The following ZNF385D variants were observed in gnomAD, a reference collection of about 807,000 sequenced individuals.
ZNF385D encodes zinc finger protein 659.
Under a neutral mutation model 35.8 loss-of-function variants are expected in ZNF385D, and 15 were observed. The ratio of observed to expected loss-of-function variants is 0.42; its 90% CI spans 0.28 to 0.64. The LOEUF (loss-of-function observed/expected upper bound fraction) is 0.64. ZNF385D is among the 30% of genes least tolerant of loss of function. ZNF385D has a pLI of 0.23. For synonymous variants in ZNF385D, 212 were observed against 186.8 expected (o/e 1.13, Z -1.10); for missense variants, 474 against 494.6 (o/e 0.96, Z 0.39).
intron 3 of ZNF385D, among the ~76,000 whole-genome samples, chr3:21,876,181 C>CA (rs1327117516): frequency 2.0e-5 from 3 of 149,200 alleles, no homozygotes; most frequent in African/African-American, 7.3e-5. Flanking sequence ...AACAAACAAA[C>CA]AAAAAACCTG....
At chr3:21,920,598 A>T (rs1575918259) in intron 3 of ZNF385D, among the ~76,000 whole-genome samples, 1 of 147,156 alleles carries the variant, frequency 6.8e-6, no homozygotes, top group African/African-American at 2.5e-5. Context: ...AGTGATAAGA[A>T]GAGGGTTGAT....
At chr3:21,780,491 T>C (rs1026620567) in intron 3 of ZNF385D, among the ~76,000 whole-genome samples, 3 of 152,026 alleles carry the variant, frequency 2.0e-5, no homozygotes, top group East Asian at 1.9e-4. Flanking sequence ...GTACTACTTA[T>C]TGGTTTTACT....
intron 3 of ZNF385D, among the ~76,000 whole-genome samples, chr3:21,802,615 A>G (rs955190102): frequency 2.0e-5 from 3 of 152,164 alleles, no homozygotes; most frequent in African/African-American, 7.2e-5. Flanking sequence ...AGGGCACTTC[A>G]GACAGGCCAA....
intron 2 of ZNF385D, among the ~76,000 whole-genome samples, chr3:21,639,621 C>A (rs1219226463): frequency 1.3e-5 from 2 of 151,916 alleles, no homozygotes; most frequent in African/African-American, 2.4e-5. Context: ...TTTTGTCCAG[C>A]ATTTTGATAT....
At chr3:21,854,232 C>A (rs1383864914) in intron 3 of ZNF385D, among the ~76,000 whole-genome samples, 1 of 151,880 alleles carries the variant, frequency 6.6e-6, no homozygotes, top group Non-Finnish European at 1.5e-5. Flanking sequence ...AGCTTTTGAA[C>A]CGGTTATCAT....
In ZNF385D at chr3:22,086,354, G is replaced by C. The variant is rs186807267; in HGVS notation, c.325+82463C>G. 4.5e-3 allele frequency among the ~76,000 whole-genome samples: 685 copies of C among 152,296 alleles called. 10 individuals are homozygous for C. The highest frequency in any genetic ancestry group is 0.016 in the African/African-American group (657 of 41,562). ...TAAGCTGATAAGCAACTTCAGCAAAGTCTCAGGATACAAAATCAATGTGCA... is the reference window on the plus strand; with the variant it reads ...TAAGCTGATAAGCAACTTCAGCAAACTCTCAGGATACAAAATCAATGTGCA... On this transcript the variant is annotated intron_variant, in intron 3 of 5. Coordinates refer to the ZNF385D transcript ENST00000494108.
intron 1 of ZNF385D, among the ~76,000 whole-genome samples, chr3:21,711,232 A>G (rs914698974): frequency 1.3e-5 from 2 of 151,530 alleles, no homozygotes; most frequent in South Asian, 2.1e-4. Context: ...TAGTAGAGTC[A>G]GGGTTTCACC....
intron 2 of ZNF385D, chr3:21,579,067 A>T (rs2063577038): frequency 6.6e-6 from 1 of 152,176 alleles, no homozygotes; most frequent in East Asian, 1.9e-4. Context: ...GCCTCACATA[A>T]CAAAATCTCT....
At chr3:21,829,634 G>A (rs1694864033) in intron 3 of ZNF385D, among the ~76,000 whole-genome samples, 1 of 152,064 alleles carries the variant, frequency 6.6e-6, no homozygotes, top group East Asian at 2.0e-4. Flanking sequence ...GAACTGTAAG[G>A]GGTCAAGCTG....
At chr3:22,179,488 T>C (rs542285207) in intron 2 of ZNF385D, among the ~76,000 whole-genome samples, 199 of 152,384 alleles carry the variant, frequency 1.3e-3, no homozygotes, top group African/African-American at 4.5e-3. Context: ...GATTTTGGGC[T>C]GAGACGACGG....
chr3:22,321,353 T>C (rs1295887863), intron 2 of ZNF385D, among the ~76,000 whole-genome samples: 3 of 152,126 alleles, frequency 2.0e-5, no homozygotes, highest in Middle Eastern at 3.4e-3. Flanking sequence ...TATATGTGTG[T>C]ACTTTTTTTA....
chr3:21,756,105 C>A (rs1284081199), upstream of ZNF385D, among the ~76,000 whole-genome samples: 1 of 152,082 alleles, frequency 6.6e-6, no homozygotes, highest in East Asian at 1.9e-4. Flanking sequence ...CTATGACTGA[C>A]GTATGAAGAA....
At chr3:21,940,289 G>C (rs1701453559) in intron 3 of ZNF385D, among the ~76,000 whole-genome samples, 1 of 152,108 alleles carries the variant, frequency 6.6e-6, no homozygotes, top group African/African-American at 2.4e-5. Context: ...GGCAAGCAGA[G>C]GTGGATTTGA....
At chr3:21,879,852 C>T (rs558459194) in intron 3 of ZNF385D, among the ~76,000 whole-genome samples, 3 of 151,904 alleles carry the variant, frequency 2.0e-5, no homozygotes, top group South Asian at 2.1e-4. Context: ...AGGAGAAAAG[C>T]GTGGACAGTC....
At chr3:21,459,239 T>C (rs572259073) in intron 4 of ZNF385D, 2 of 152,336 alleles carry the variant, frequency 1.3e-5, no homozygotes, top group African/African-American at 4.8e-5. Context: ...GGTAGAAGTT[T>C]GGTGATTCCT....
chr3:21,437,969 G>A (rs992848470), intron 4 of ZNF385D, among the ~76,000 whole-genome samples: 3 of 152,112 alleles, frequency 2.0e-5, no homozygotes, highest in African/African-American at 7.2e-5. Flanking sequence ...ACACCATGCT[G>A]TTGTCACATT....
At chr3:22,276,528 G>A (rs1701437514) in intron 2 of ZNF385D, among the ~76,000 whole-genome samples, 1 of 152,112 alleles carries the variant, frequency 6.6e-6, no homozygotes, top group South Asian at 2.1e-4. Flanking sequence ...GCTAAGACAA[G>A]TTTTATACTT....
At chr3:22,140,493 G>C (rs147371786) in intron 3 of ZNF385D, among the ~76,000 whole-genome samples, 4 of 152,222 alleles carry the variant, frequency 2.6e-5, no homozygotes, top group African/African-American at 9.6e-5. Flanking sequence ...TTATGAAAAT[G>C]TATCTATGTG....
chr3:21,464,210 T>G (rs1703360625), intron 4 of ZNF385D, among the ~76,000 whole-genome samples: 1 of 152,168 alleles, frequency 6.6e-6, no homozygotes, highest in African/African-American at 2.4e-5. Flanking sequence ...TCATCATAAT[T>G]TTATAATCGC....
Sources: allele counts gnomAD v4.1 joint callset (sites outside exome capture counted in the v4.1 genomes callset), GRCh38; gene constraint gnomAD v4.1.1; transcripts MANE v1.5; gene names NCBI Gene and HGNC (gene_info 2026-07-23, HGNC 2026-07-21).